Variants in SPECC1L observed in about 807,000 individuals in gnomAD.
SPECC1L encodes cytospin-A.
In SPECC1L, 40 loss-of-function variants were observed where a neutral mutation model predicts 116.8. The observed-to-expected ratio is 0.34, with a 90% CI of 0.27 to 0.45. The LOEUF (loss-of-function observed/expected upper bound fraction) is 0.45, where lower values mean the gene tolerates loss of function less well. Among genes scored for constraint, SPECC1L ranks in the 20% least tolerant of loss-of-function variants. SPECC1L has a pLI of 1.00. For synonymous variants in SPECC1L, 504 were observed against 500.6 expected (o/e 1.01, Z -0.09); for missense variants, 1,110 against 1,373.6 (o/e 0.81, Z 3.03).
chr22:24,295,683 G>A lies in SPECC1L; in HGVS notation c.-37-6512G>A, dbSNP rs533331864. On this transcript the variant is annotated intron_variant, in intron 2 of 16. Coordinates refer to ENST00000314328, the MANE Select transcript of SPECC1L (RefSeq NM_015330.6). ...AATACCAGCACGGGCCCGGCGCGGT[G>A]GCTCACACTTGTAATCTCAGCACTT... Among the ~76,000 whole-genome samples the A allele has an allele frequency of 5.6e-3, 848 of 152,220 alleles. 4 individuals are homozygous for A. The highest frequency in any genetic ancestry group is 0.014 in the Middle Eastern group (4 of 294).
Position 24,322,418 on chromosome 22 carries a change from G to A in SPECC1L, c.1438G>A (p.Asp480Asn). 1 of 1,614,164 alleles carries A rather than the reference G, an allele frequency of 6.2e-7. No homozygotes were observed. The highest frequency in any genetic ancestry group is 2.2e-5 in the East Asian group (1 of 44,886). ...LDEHHISYVI[D>N]EDVKSGRYME... ...TGAGCATCACATTTCTTATGTCATA[G>A]ATGAAGATGTAAAAAGTGGGCGCTA... is the stretch of plus-strand genomic sequence containing the variant. Residue 480 changes from aspartate (D) to asparagine (N), a missense_variant, in exon 5 of 17, where the codon GAT becomes AAT. Transcript: ENST00000314328.
intron 3 of SPECC1L, among the ~76,000 whole-genome samples, chr22:24,313,103 A>G (rs2040493365): frequency 1.3e-5 from 2 of 152,188 alleles, no homozygotes; most frequent in Non-Finnish European, 2.9e-5. Flanking sequence ...GTACGAGTTT[A>G]TTATTTTAAA....
intron 1 of SPECC1L, among the ~76,000 whole-genome samples, chr22:24,272,128 C>T (rs1601471412): frequency 1.3e-5 from 2 of 152,346 alleles, no homozygotes; most frequent in East Asian, 1.9e-4. Context: ...TGCCTGTAAT[C>T]CCAGCACTTT....
intron 5 of SPECC1L, 40 bp from the exon 6 acceptor site, chr22:24,324,180 C>T: frequency 6.4e-7 from 1 of 1,558,316 alleles, no homozygotes; most frequent in Admixed American, 1.7e-5. Context: ...CTTAGAACAA[C>T]TCTTAACTTT....
chr22:24,320,276 C>A (rs889642254), intron 4 of SPECC1L, among the ~76,000 whole-genome samples: 2 of 151,902 alleles, frequency 1.3e-5, no homozygotes, highest in Non-Finnish European at 2.9e-5. Flanking sequence ...GAGACTCCAT[C>A]TCAAAAAAAA....
chr22:24,279,590 A>AT (rs2048903490), intron 2 of SPECC1L, among the ~76,000 whole-genome samples: 1 of 145,280 alleles, frequency 6.9e-6, no homozygotes, highest in Non-Finnish European at 1.5e-5. Flanking sequence ...ATTATTATTT[A>AT]TTATTTTAGA....
At chr22:24,353,997 C>T (rs772481207) in intron 11 of SPECC1L, among the ~76,000 whole-genome samples, 2 of 152,218 alleles carry the variant, frequency 1.3e-5, no homozygotes, top group Non-Finnish European at 2.9e-5. Flanking sequence ...ATCCGCTCAG[C>T]TTCTGGTGAG....
intron 2 of SPECC1L, among the ~76,000 whole-genome samples, chr22:24,300,590 A>G (rs1285442950): frequency 6.6e-6 from 1 of 152,208 alleles, no homozygotes; most frequent in African/African-American, 2.4e-5. Context: ...ATTTCCACCA[A>G]CAGTGTAAAA....
At chr22:24,404,952 G>C (rs1390043516) in intron 14 of SPECC1L, among the ~76,000 whole-genome samples, 1 of 152,220 alleles carries the variant, frequency 6.6e-6, no homozygotes, top group Non-Finnish European at 1.5e-5. Context: ...GGGTGTCACT[G>C]TGTCTCCTGC....
At position 24,312,706 on chromosome 22, in the gene SPECC1L, T is replaced by C. The variant is rs142442679; in HGVS notation, c.154-607T>C. ...AAATTGCCTTTATAAAATATAAATA[T>C]TGCAGATGGTCTTTCTCAAGTAATA... On this transcript the variant is annotated intron_variant, in intron 3 of 16. Transcript: ENST00000314328. Among the ~76,000 whole-genome samples the C allele has an allele frequency of 7.4e-3, 1,130 of 152,298 alleles. 12 individuals are homozygous for C. The highest frequency in any genetic ancestry group is 0.025 in the African/African-American group (1,058 of 41,568).
intron 14 of SPECC1L, among the ~76,000 whole-genome samples, chr22:24,387,183 A>G (rs2042176251): frequency 6.6e-6 from 1 of 152,244 alleles, no homozygotes; most frequent in African/African-American, 2.4e-5. Flanking sequence ...AAATGGATAA[A>G]TGAATTGTGA....
intron 1 of SPECC1L, among the ~76,000 whole-genome samples, chr22:24,273,337 A>G (rs1000820849): frequency 6.6e-6 from 1 of 152,250 alleles, no homozygotes; most frequent in Non-Finnish European, 1.5e-5. Flanking sequence ...AATAAGAAAA[A>G]AAGGACAATA....
At chr22:24,300,692 T>G (rs536345970) in intron 2 of SPECC1L, among the ~76,000 whole-genome samples, 2 of 152,350 alleles carry the variant, frequency 1.3e-5, no homozygotes, top group South Asian at 4.1e-4. Context: ...GTTATCTCAT[T>G]GTGGTTTTGA....
intron 1 of SPECC1L, among the ~76,000 whole-genome samples, chr22:24,271,448 A>T (rs562529552): frequency 1.3e-5 from 2 of 152,094 alleles, no homozygotes; most frequent in African/African-American, 4.8e-5. Context: ...CAGGCGGCGG[A>T]CCCCGGGCCT....
At chr22:24,387,306 G>T (rs1222402431) in intron 14 of SPECC1L, among the ~76,000 whole-genome samples, 2 of 152,242 alleles carry the variant, frequency 1.3e-5, no homozygotes, top group Non-Finnish European at 2.9e-5. Context: ...ATGCACAGGA[G>T]TCTAAACTAT....
At chr22:24,407,598 G>A (rs1047920234) in intron 14 of SPECC1L, among the ~76,000 whole-genome samples, 1 of 152,182 alleles carries the variant, frequency 6.6e-6, no homozygotes, top group African/African-American at 2.4e-5. Flanking sequence ...ACCTCTGAGG[G>A]CCAGGCGTTG....
chr22:24,317,271 C>T (rs1323639751), intron 4 of SPECC1L, among the ~76,000 whole-genome samples: 1 of 122,746 alleles, frequency 8.1e-6, no homozygotes, highest in Non-Finnish European at 1.8e-5. Flanking sequence ...GCTGACCCCC[C>T]CCACCTCCCT....
chr22:24,330,543 G>A, intron 8 of SPECC1L, 112 bp downstream of exon 8: 2 of 1,168,450 alleles, frequency 1.7e-6, no homozygotes. Context: ...TACTGAGTTT[G>A]GATCTGATGG....
intron 14 of SPECC1L, among the ~76,000 whole-genome samples, chr22:24,401,623 T>A (rs1335975211): frequency 6.6e-6 from 1 of 152,230 alleles, no homozygotes; most frequent in Non-Finnish European, 1.5e-5. Context: ...TTTCCAGCAC[T>A]CAGGTTCACG....
Sources: gnomAD v4.1 joint callset for allele counts (sites outside exome capture counted in the v4.1 genomes callset) on GRCh38, gnomAD v4.1.1 for gene constraint, MANE v1.5 for transcripts, NCBI Gene and HGNC (gene_info 2026-07-23, HGNC 2026-07-21) for gene names.